Variants in ETFA observed in about 807,000 individuals in gnomAD.
The protein encoded by ETFA is electron transfer flavoprotein subunit alpha.
Under a neutral mutation model 46.2 loss-of-function variants are expected in ETFA, and 22 were observed. That is an observed-to-expected ratio of 0.48 (90% CI 0.34 to 0.68). The LOEUF (loss-of-function observed/expected upper bound fraction) is 0.68. Ranked by LOEUF, ETFA falls within the 30% of genes least tolerant of loss-of-function variation. ETFA has a pLI of 0.01. For missense variants in ETFA, 345 were observed against 401.1 expected (o/e 0.86, Z 1.19); for synonymous variants, 131 against 139.9 (o/e 0.94, Z 0.45).
chr15:76,249,309 G>T (rs1046411642), intron 9 of ETFA, among the ~76,000 whole-genome samples: 1 of 151,754 alleles, frequency 6.6e-6, no homozygotes, highest in Non-Finnish European at 1.5e-5. Context: ...TGTATTTTTA[G>T]TAGAGATGGG....
At chr15:76,294,186 T>C (rs1430656930) in intron 2 of ETFA, among the ~76,000 whole-genome samples, 3 of 152,230 alleles carry the variant, frequency 2.0e-5, no homozygotes, top group Admixed American at 1.3e-4. Context: ...CTCAAAGTAG[T>C]ATAAAGTATC....
chr15:76,217,818 T>G (rs1287145243), intron 11 of ETFA: 2 of 256,126 alleles, frequency 7.8e-6, no homozygotes, highest in Admixed American at 5.2e-5. Flanking sequence ...GAATACAGCC[T>G]CTCAATTATT....
Position 76,307,101 on chromosome 15 carries a change from C to A in ETFA, c.39+4249G>T, listed in dbSNP as rs770216897. 2.0e-4 allele frequency among the ~76,000 whole-genome samples: 31 copies of A among 152,166 alleles called. 1 individual carries two copies. The highest frequency in any genetic ancestry group is 3.8e-4 in the Non-Finnish European group (26 of 68,042). ...CAATAAACACAGTAAAAAGAGTACT[C>A]AAATGACCTTGAAATTGTTGTTTCA... On this transcript the variant is annotated intron_variant, in intron 1 of 11. Coordinates refer to ENST00000557943, the MANE Select transcript of ETFA (RefSeq NM_000126.4).
rs572585276 is a variant in ETFA at position 76,302,723 on chromosome 15, C to T, written c.40-6986G>A. Among the ~76,000 whole-genome samples, 327 of 152,252 alleles carry T rather than the reference C, an allele frequency of 2.1e-3. 2 individuals carry two copies. Among genetic ancestry groups the T allele is most frequent in the Non-Finnish European group, 2.0e-3 (138 of 68,014 alleles). ...AAATTCATTAATTGTAACAAATGGACAACTCTGGTGCTGTATGTTGACAGT... is the reference window on the plus strand; with the variant it reads ...AAATTCATTAATTGTAACAAATGGATAACTCTGGTGCTGTATGTTGACAGT... On this transcript the variant is annotated intron_variant, in intron 1 of 11. Coordinates refer to ENST00000557943, the MANE Select transcript of ETFA (RefSeq NM_000126.4).
chr15:76,281,157 C>T lies in ETFA; in HGVS notation c.733+2600G>A, dbSNP rs564430123. Among the ~76,000 whole-genome samples, 17 of 151,890 alleles carry T rather than the reference C, an allele frequency of 1.1e-4. No individual in the cohort carries two copies. The South Asian group carries it at 2.5e-3, about 22-fold the overall frequency. Reference sequence around the variant, plus strand: ...CTTGAATTCCTGGCCTCAAGAAATCCGCCCACCTAGCTAATTTTTATATTT... The same window carrying T: ...CTTGAATTCCTGGCCTCAAGAAATCTGCCCACCTAGCTAATTTTTATATTT... On this transcript the variant is annotated intron_variant, in intron 8 of 11. Coordinates refer to ENST00000557943, the MANE Select transcript of ETFA (RefSeq NM_000126.4).
chr15:76,241,788 T>C (rs1274952353), intron 9 of ETFA, among the ~76,000 whole-genome samples: 5 of 101,504 alleles, frequency 4.9e-5, no homozygotes, highest in Non-Finnish European at 9.1e-5. Flanking sequence ...GGCGACAGAG[T>C]GAGACTCCAT....
chr15:76,292,431 C>T lies in ETFA; in HGVS notation c.351G>A (p.Lys117=). 6.2e-7 allele frequency: 1 copy of T among 1,610,160 alleles called. No homozygotes were observed. The highest frequency in any genetic ancestry group is 8.5e-7 in the Non-Finnish European group (1 of 1,176,294). The stretch of plus-strand genomic sequence containing the variant: ...GATTCCACATTCTCAACCTTCTCAC[C>T]TTTCCGAAGGCAGATGCTCCAGCAC... ...HICAGASAFG[K]NLLPRVAAKL... Residue 117 remains lysine (K), a splice_region_variant and synonymous_variant, in exon 4 of 12, where the codon AAG becomes AAA. Transcript: ENST00000557943.
intron 9 of ETFA, among the ~76,000 whole-genome samples, chr15:76,263,195 T>C (rs1161630571): frequency 6.6e-6 from 1 of 152,236 alleles, no homozygotes; most frequent in Non-Finnish European, 1.5e-5. Flanking sequence ...CTTCCAGAGC[T>C]TGGGGCCTTT....
intron 8 of ETFA, among the ~76,000 whole-genome samples, chr15:76,277,535 C>G (rs1034506472): frequency 1.3e-4 from 20 of 152,040 alleles, no homozygotes; most frequent in Admixed American, 7.2e-4. Flanking sequence ...CAGAGTCTCA[C>G]TCTGTCGCCC....
chr15:76,250,967 TGTAAATTGTATATATATTTATATTTTC>T (rs1456155123), intron 9 of ETFA, among the ~76,000 whole-genome samples: 1 of 151,624 alleles, frequency 6.6e-6, no homozygotes, highest in East Asian at 1.9e-4. Flanking sequence ...ATTATTTCTA[TGTAAATTGTATATATATTTATATTTTC>T]ATAAATTTAT....
intron 1 of ETFA, among the ~76,000 whole-genome samples, chr15:76,308,355 C>T (rs749792601): frequency 3.3e-5 from 5 of 152,144 alleles, no homozygotes; most frequent in Admixed American, 6.5e-5. Context: ...GGAGTATTAA[C>T]TTGACAGTGG....
intron 9 of ETFA, among the ~76,000 whole-genome samples, chr15:76,240,544 T>G (rs187479832): frequency 1.3e-5 from 2 of 152,310 alleles, no homozygotes; most frequent in Admixed American, 1.3e-4. Flanking sequence ...ATAACCCAGT[T>G]GCTCAACTAC....
chr15:76,257,092 A>C (rs2039352628), intron 9 of ETFA, among the ~76,000 whole-genome samples: 1 of 152,070 alleles, frequency 6.6e-6, no homozygotes, highest in Non-Finnish European at 1.5e-5. Flanking sequence ...TTAAGTCTTC[A>C]ATTTTATTTG....
chr15:76,291,045 A>G (rs1046760949), intron 4 of ETFA, among the ~76,000 whole-genome samples: 3 of 152,162 alleles, frequency 2.0e-5, no homozygotes, highest in Admixed American at 6.6e-5. Flanking sequence ...GGGAGACTAC[A>G]TCGATACAAA....
chr15:76,287,464 G>A (rs918842824), intron 5 of ETFA, among the ~76,000 whole-genome samples: 14 of 152,250 alleles, frequency 9.2e-5, no homozygotes, highest in African/African-American at 3.4e-4. Flanking sequence ...CACTGCAGCT[G>A]GCTAAAATGA....
intron 6 of ETFA, 98 bp downstream of exon 6, chr15:76,286,273 T>G (rs2039703743): frequency 3.1e-6 from 2 of 655,032 alleles, no homozygotes; most frequent in Non-Finnish European, 5.4e-6. Context: ...CAAATACTAT[T>G]CATTAGAAAT....
chr15:76,224,207 A>G (rs1221417231), intron 11 of ETFA, among the ~76,000 whole-genome samples: 1 of 152,162 alleles, frequency 6.6e-6, no homozygotes, highest in Admixed American at 6.5e-5. Context: ...TCTTTTTCAT[A>G]CCAGCCCCCC....
intron 9 of ETFA, among the ~76,000 whole-genome samples, chr15:76,237,761 A>C (rs938562869): frequency 8.5e-5 from 13 of 152,220 alleles, no homozygotes; most frequent in African/African-American, 3.1e-4. Context: ...AAAAGGAGAC[A>C]GCCAACTGTC....
intron 1 of ETFA, among the ~76,000 whole-genome samples, chr15:76,297,101 C>G (rs557023412): frequency 6.6e-6 from 1 of 152,202 alleles, no homozygotes; most frequent in South Asian, 2.1e-4. Context: ...AGCTCTGGAG[C>G]TGGAGTGAAG....
Sources: allele counts gnomAD v4.1 joint callset (sites outside exome capture counted in the v4.1 genomes callset), GRCh38; gene constraint gnomAD v4.1.1; transcripts MANE v1.5; gene names NCBI Gene and HGNC (gene_info 2026-07-23, HGNC 2026-07-21).